The following RIN3 variants were observed in gnomAD, a reference collection of about 807,000 sequenced individuals.
The protein encoded by RIN3 is Ras and Rab interactor 3, also known as RAB5 interacting protein 3.
A neutral mutation model predicts 76.3 loss-of-function variants in RIN3; 54 were observed. The observed-to-expected ratio is 0.71, with a 90% confidence interval of 0.57 to 0.89. The LOEUF is 0.89. RIN3 is among the 40% of genes least tolerant of loss of function. RIN3 has a pLI of 0.00. For synonymous variants in RIN3, 576 were observed against 564.0 expected, an observed-to-expected ratio of 1.02 and a Z score of -0.30; for missense variants, 1,256 against 1,322.1, an observed-to-expected ratio of 0.95 and a Z score of 0.78.
intron 4 of RIN3, among the ~76,000 whole-genome samples, chr14:92,619,802 A>C (rs1317033940): frequency 1.3e-5 from 2 of 152,124 alleles, no homozygotes; most frequent in African/African-American, 4.8e-5. Context: ...ATAAAGTTTG[A>C]CTGTTTCCAG....
intron 1 of RIN3, chr14:92,515,095 T>A (rs1252640485): frequency 2.1e-4 from 127 of 593,444 alleles, no homozygotes; most frequent in Non-Finnish European, 2.1e-5. Flanking sequence ...TGGGAGGGAC[T>A]GGGAGGGGGC....
In RIN3 at chr14:92,651,973, C is replaced by A; in HGVS notation, c.924C>A (p.Ala308=). 1 of 1,536,390 alleles carries A rather than the reference C, an allele frequency of 6.5e-7. No homozygotes were observed. Among genetic ancestry groups the A allele is most frequent in the Non-Finnish European group, 8.8e-7 (1 of 1,135,140 alleles). Residue 308 remains alanine (A), a synonymous_variant, in exon 6 of 10, where the codon GCC becomes GCA. Coordinates refer to ENST00000216487, the MANE Select transcript of RIN3 (RefSeq NM_024832.5). ...TCCCTGCTCTTGCCCCCGCCCCTGC[C>A]TGTCCTTTGCCCACCTCTCCCCCAG... The part of the protein sequence containing the change: ...PVLPALAPAP[A]CPLPTSPPVP...
Position 92,652,056 on chromosome 14 carries a change from C to A in RIN3, c.1007C>A (p.Pro336Gln), listed in dbSNP as rs762932185. 1.9e-6 allele frequency: 3 copies of A among 1,602,896 alleles called. No homozygotes were observed. The highest frequency in any genetic ancestry group is 2.2e-5 in the East Asian group (1 of 44,818). ...GGTCCCCCAGACCATCCGAACCAGCCGCCCATGATGACCTGCGAGAGACTC... is the reference window on the plus strand; with the variant it reads ...GGTCCCCCAGACCATCCGAACCAGCAGCCCATGATGACCTGCGAGAGACTC... ...APGPPDHPNQ[P>Q]PMMTCERLPC... Residue 336 changes from proline (P) to glutamine (Q), a missense_variant, in exon 6 of 10, where the codon CCG becomes CAG. Physicochemically the swap from Pro to Gln is moderately conservative, Grantham distance 76. Around this residue, in one of 3 missense-constraint regions of RIN3, gnomAD observed 610 missense variants for 626.4 expected, o/e 0.97. Transcript: ENST00000216487. This position sits in a 1 kb window ranked among gnomAD's most constrained non-coding sequence, Gnocchi z 6.4.
At chr14:92,619,734 T>C (rs1886108788) in intron 4 of RIN3, among the ~76,000 whole-genome samples, 1 of 152,128 alleles carries the variant, frequency 6.6e-6, no homozygotes, top group Admixed American at 6.5e-5. Flanking sequence ...CCTCTAGTAG[T>C]CTTAACTGCA....
chr14:92,650,976 C>G (rs542893720), intron 5 of RIN3: 3 of 152,338 alleles, frequency 2.0e-5, no homozygotes, highest in African/African-American at 7.2e-5. Context: ...TGGCTGCTCC[C>G]CGCTTGGACA....
At chr14:92,615,342 C>A in intron 3 of RIN3, 65 bp from the exon 4 acceptor site, 1 of 1,410,544 alleles carries the variant, frequency 7.1e-7, no homozygotes, top group South Asian at 1.2e-5. Context: ...TCCTTGCCAC[C>A]TCCTTCCCCC....
intron 3 of RIN3, among the ~76,000 whole-genome samples, chr14:92,587,762 C>T (rs960266902): frequency 2.6e-5 from 4 of 152,086 alleles, no homozygotes; most frequent in African/African-American, 9.7e-5. Context: ...ACAGTGCTTC[C>T]TGGGCTTCCT....
At chr14:92,669,306 C>T (rs116735421) in intron 7 of RIN3, among the ~76,000 whole-genome samples, 3,761 of 152,048 alleles carry the variant, frequency 0.025, 91 homozygotes, top group African/African-American at 0.064. Context: ...CAACTGGGGT[C>T]GATAAAGCAG....
rs1379467169 is a variant in RIN3, at chr14:92,514,549, C to T, written c.44+573C>T. 6.6e-6 allele frequency among the ~76,000 whole-genome samples: 1 copy of T among 152,264 alleles called. No homozygotes were observed. Among genetic ancestry groups the T allele is most frequent in the African/African-American group, 2.4e-5 (1 of 41,474 alleles). On this transcript the variant is annotated intron_variant, in intron 1 of 9. Transcript: ENST00000216487. The surrounding 1 kb of genome is among the most constrained non-coding windows in gnomAD (Gnocchi z 7.2). ...TTTTCCCGCCGCCCCTCTGCCCTGGCCGTAGACGGTGACCTTCGGACCGGC... is the reference window on the plus strand; with the variant it reads ...TTTTCCCGCCGCCCCTCTGCCCTGGTCGTAGACGGTGACCTTCGGACCGGC...
chr14:92,542,816 C>T (rs117075139), intron 1 of RIN3, among the ~76,000 whole-genome samples: 1,975 of 152,250 alleles, frequency 0.013, 17 homozygotes, highest in Middle Eastern at 0.02. Flanking sequence ...AACATGATGC[C>T]AAGTGAAAGC....
Position 92,513,947 on chromosome 14 carries a change from C to T in RIN3, c.15C>T (p.Ala5=). The change falls in exon 1 of 10, where the codon GCC becomes GCT. Residue 5 remains alanine (A), a synonymous_variant. Transcript: ENST00000216487. ...CTGCCGGCGGCATGATCCGACACGC[C>T]GGGGCGCCCGCGCGCGGGGACCCCA... MIRH[A]GAPARGDPTG... 8.0e-7 allele frequency: 1 copy of T among 1,245,666 alleles called. No homozygotes were observed. Among genetic ancestry groups the T allele is most frequent in the Non-Finnish European group, 1.0e-6 (1 of 994,974 alleles). The allele number at this position is 1,245,666 out of a possible 1,614,324, so 77.2% of individuals were successfully genotyped here.
chr14:92,662,260 A>G (rs904393666), intron 7 of RIN3, among the ~76,000 whole-genome samples: 1 of 133,454 alleles, frequency 7.5e-6, no homozygotes, highest in African/African-American at 3.3e-5. Context: ...GAGGGAGGCA[A>G]GCTCAGAGGT....
chr14:92,544,286 A>G (rs964778164), intron 1 of RIN3, among the ~76,000 whole-genome samples: 26 of 151,910 alleles, frequency 1.7e-4, no homozygotes, highest in African/African-American at 6.3e-4. Flanking sequence ...TGCAGGCCAC[A>G]CCGCACTCTT....
chr14:92,687,967 G>A lies in RIN3; in HGVS notation c.2673G>A (p.Ala891=), dbSNP rs1888927674. The A allele has an allele frequency of 1.3e-6, 2 of 1,556,446 alleles. 1 individual carries two copies. The highest frequency in any genetic ancestry group is 2.3e-5 in the South Asian group (2 of 85,108). Residue 891 remains alanine (A), a synonymous_variant, in exon 10 of 10, where the codon GCG becomes GCA. Coordinates refer to ENST00000216487, the MANE Select transcript of RIN3 (RefSeq NM_024832.5). The part of the protein sequence containing the change: ...CVSYLEPEQQ[A]RTLASRADTQ... The stretch of plus-strand genomic sequence containing the variant: ...CGTACCTGGAGCCCGAGCAGCAGGC[G>A]CGGACGCTGGCGTCGCGGGCGGACA...
At chr14:92,650,721 G>A (rs1178120255) in intron 5 of RIN3, among the ~76,000 whole-genome samples, 4 of 152,250 alleles carry the variant, frequency 2.6e-5, no homozygotes, top group Non-Finnish European at 5.9e-5. Flanking sequence ...GTGCTCTTTG[G>A]AGGGTCCTGA....
intron 7 of RIN3, chr14:92,659,677 G>C (rs375879726): frequency 4.1e-6 from 2 of 484,266 alleles, no homozygotes; most frequent in Non-Finnish European, 7.2e-6. Context: ...ATGATCGGCT[G>C]TTGCCCTGGA....
intron 4 of RIN3, among the ~76,000 whole-genome samples, chr14:92,627,124 C>A (rs1886386153): frequency 6.6e-6 from 1 of 152,192 alleles, no homozygotes; most frequent in African/African-American, 2.4e-5. Flanking sequence ...GGGGATCTGA[C>A]TATCCCCGTC....
intron 1 of RIN3, among the ~76,000 whole-genome samples, chr14:92,544,676 G>A (rs1251224548): frequency 1.3e-5 from 2 of 151,894 alleles, no homozygotes; most frequent in African/African-American, 4.8e-5. Flanking sequence ...GCATGCTCTG[G>A]GACCCGGGGG....
Position 92,526,604 on chromosome 14 carries a change from T to G in RIN3, c.44+12628T>G, listed in dbSNP as rs549820977. On this transcript the variant is annotated intron_variant, in intron 1 of 9. Coordinates refer to ENST00000216487, the MANE Select transcript of RIN3 (RefSeq NM_024832.5). ...CCTGTCTCTACTAAAAATACAAAAA[T>G]TAGCTGGGCGTGGTGGCGTGTGCCT... 5.9e-5 allele frequency among the ~76,000 whole-genome samples: 9 copies of G among 152,070 alleles called. No individual in the cohort carries two copies. In the South Asian group the frequency reaches 1.9e-3, roughly 32 times the overall value.
Sources: gnomAD v4.1 joint callset for allele counts (sites outside exome capture counted in the v4.1 genomes callset) on GRCh38, gnomAD v4.1.1 for gene constraint, gnomAD v4.1.1 regional missense constraint, Gnocchi (gnomAD v3.1) non-coding constraint, MANE v1.5 for transcripts, NCBI Gene and HGNC (gene_info 2026-07-23, HGNC 2026-07-21) for gene names.